The following STXBP5L variants were observed in gnomAD, a reference collection of about 807,000 sequenced individuals.
The protein encoded by STXBP5L is syntaxin binding protein 5L.
STXBP5L carries 65 observed loss-of-function variants against 144.5 expected under a neutral mutation model. The ratio of observed to expected loss-of-function variants is 0.45; its 90% CI spans 0.37 to 0.55. STXBP5L has a LOEUF of 0.55. Ranked by LOEUF, STXBP5L falls within the 20% of genes least tolerant of loss-of-function variation. The pLI, the probability that STXBP5L is intolerant of heterozygous loss-of-function variation, is 0.00. For missense variants in STXBP5L, 1,298 were observed against 1,405.5 expected (o/e 0.92, Z 1.22); for synonymous variants, 505 against 469.6 (o/e 1.08, Z -0.97).
At chr3:121,386,624 T>C (rs891576638) in intron 22 of STXBP5L, among the ~76,000 whole-genome samples, 1 of 152,034 alleles carries the variant, frequency 6.6e-6, no homozygotes, top group African/African-American at 2.4e-5. Flanking sequence ...CATTGTTCAA[T>C]TCCCACCTAT....
chr3:121,120,511 G>C (rs1422831237), intron 6 of STXBP5L, among the ~76,000 whole-genome samples: 1 of 151,138 alleles, frequency 6.6e-6, no homozygotes, highest in Non-Finnish European at 1.5e-5. Context: ...CATAGTATTA[G>C]ATGCTGTATG....
intron 5 of STXBP5L, among the ~76,000 whole-genome samples, chr3:121,095,545 A>G (rs571131644): frequency 1.7e-4 from 26 of 152,236 alleles, no homozygotes; most frequent in Admixed American, 7.2e-4. Flanking sequence ...TTGGTCTTCA[A>G]TCACTGATAA....
chr3:120,962,702 A>T (rs1939006360), intron 3 of STXBP5L, among the ~76,000 whole-genome samples: 1 of 152,192 alleles, frequency 6.6e-6, no homozygotes, highest in African/African-American at 2.4e-5. Flanking sequence ...GTTTGAAGTC[A>T]GGTAGCATGA....
intron 5 of STXBP5L, among the ~76,000 whole-genome samples, chr3:121,069,052 T>A (rs1271557956): frequency 1.3e-5 from 2 of 152,146 alleles, no homozygotes; most frequent in African/African-American, 4.8e-5. Context: ...AATTTTATCA[T>A]GACTACACTC....
chr3:121,210,131 T>G (rs1296468889), intron 10 of STXBP5L, among the ~76,000 whole-genome samples: 6 of 152,056 alleles, frequency 3.9e-5, no homozygotes, highest in Non-Finnish European at 5.9e-5. Flanking sequence ...CCATTCTAAC[T>G]GGTGTGAGAT....
rs369942953 is a variant in STXBP5L, at chr3:121,167,241, T to C, written c.877+9614T>C. On this transcript the variant is annotated intron_variant, in intron 9 of 26. Coordinates refer to ENST00000471454, the MANE Select transcript of STXBP5L (RefSeq NM_001308330.2). ...ACTGTACTTTGCCAAAATGAGAAGT[T>C]GCTCTAAACCTAAGAAATATAGTAA... is the stretch of plus-strand genomic sequence containing the variant. Among the ~76,000 whole-genome samples the C allele has an allele frequency of 5.2e-4, 79 of 152,332 alleles. 1 individual carries two copies. In the South Asian group the frequency reaches 0.015, roughly 30 times the overall value.
intron 5 of STXBP5L, among the ~76,000 whole-genome samples, chr3:121,113,672 CTTTTTTT>C (rs1231857211): frequency 5.1e-4 from 62 of 122,568 alleles, no homozygotes; most frequent in Non-Finnish European, 8.2e-4. Flanking sequence ...TTTTCTTTTT[CTTTTTTT>C]TTTTTTTTTT....
At chr3:121,004,203 G>A (rs1159451318) in intron 3 of STXBP5L, among the ~76,000 whole-genome samples, 1 of 152,084 alleles carries the variant, frequency 6.6e-6, no homozygotes, top group Non-Finnish European at 1.5e-5. Context: ...TCTTCCATTT[G>A]TTTGTATCCT....
chr3:121,367,086 A>G (rs936296923), intron 20 of STXBP5L, among the ~76,000 whole-genome samples: 3 of 152,186 alleles, frequency 2.0e-5, no homozygotes, highest in African/African-American at 7.2e-5. Flanking sequence ...TCTTTATACC[A>G]TATGTACCCC....
chr3:121,255,974 C>T (rs2050194717), intron 16 of STXBP5L, among the ~76,000 whole-genome samples: 1 of 152,026 alleles, frequency 6.6e-6, no homozygotes, highest in Admixed American at 6.5e-5. Flanking sequence ...TGTATAGTAG[C>T]TGAAAGCTAA....
At chr3:121,059,930 G>A (rs1466156522) in intron 5 of STXBP5L, among the ~76,000 whole-genome samples, 2 of 152,170 alleles carry the variant, frequency 1.3e-5, no homozygotes, top group African/African-American at 4.8e-5. Context: ...AAGACAATTT[G>A]ATTTCCTCTC....
intron 19 of STXBP5L, among the ~76,000 whole-genome samples, chr3:121,285,732 C>A: frequency 6.6e-6 from 1 of 152,050 alleles, no homozygotes; most frequent in East Asian, 1.9e-4. Flanking sequence ...TTAGCTACTT[C>A]ATACATTTAT....
chr3:121,107,594 G>A (rs1191492939), intron 5 of STXBP5L, among the ~76,000 whole-genome samples: 15 of 151,898 alleles, frequency 9.9e-5, no homozygotes, highest in South Asian at 2.1e-4. Context: ...TACCAGTACC[G>A]TGCTGTTTTG....
At chr3:121,276,106 CAG>C (rs1179173850) in intron 18 of STXBP5L, among the ~76,000 whole-genome samples, 1 of 151,092 alleles carries the variant, frequency 6.6e-6, no homozygotes, top group Non-Finnish European at 1.5e-5. Context: ...GCCTTCTTCT[CAG>C]GGAAAGATTG....
intron 3 of STXBP5L, among the ~76,000 whole-genome samples, chr3:121,034,149 T>C (rs72968819): frequency 0.019 from 2,821 of 152,144 alleles, 88 homozygotes; most frequent in African/African-American, 0.065. Flanking sequence ...TTTCTGAAAT[T>C]TATATACATT....
At chr3:121,262,762 G>A (rs1189543471) in intron 18 of STXBP5L, among the ~76,000 whole-genome samples, 2 of 152,224 alleles carry the variant, frequency 1.3e-5, no homozygotes, top group Non-Finnish European at 2.9e-5. Flanking sequence ...ATCAGCACAA[G>A]GTAAACATAC....
At chr3:121,217,721 T>C in intron 10 of STXBP5L, among the ~76,000 whole-genome samples, 1 of 152,116 alleles carries the variant, frequency 6.6e-6, no homozygotes, top group Admixed American at 6.6e-5. Context: ...TTTCTTATAA[T>C]CTTTATTGTG....
chr3:121,377,835 A>G (rs947726024), intron 20 of STXBP5L, among the ~76,000 whole-genome samples: 4 of 152,220 alleles, frequency 2.6e-5, no homozygotes, highest in African/African-American at 4.8e-5. Context: ...TACCCAAAGG[A>G]TTATAAATCT....
At chr3:121,352,863 T>A (rs540526330) in intron 20 of STXBP5L, among the ~76,000 whole-genome samples, 5 of 152,070 alleles carry the variant, frequency 3.3e-5, no homozygotes, top group Non-Finnish European at 7.4e-5. Flanking sequence ...TCCATCAATA[T>A]CTAGTTTATT....
Sources: gnomAD v4.1 joint callset for allele counts (sites outside exome capture counted in the v4.1 genomes callset) on GRCh38, gnomAD v4.1.1 for gene constraint, MANE v1.5 for transcripts, NCBI Gene and HGNC (gene_info 2026-07-23, HGNC 2026-07-21) for gene names.